Variants in GRIP1 observed in about 807,000 individuals in gnomAD.
The protein encoded by GRIP1 is glutamate receptor-interacting protein 1.
A neutral mutation model predicts 129.9 loss-of-function variants in GRIP1; 45 were observed. That is an observed-to-expected ratio of 0.35 (90% CI 0.27 to 0.44). GRIP1 has a LOEUF of 0.44. Ranked by LOEUF, GRIP1 falls within the 20% of genes least tolerant of loss-of-function variation. The pLI is 1.00. For synonymous variants in GRIP1, 530 were observed against 520.8 expected, an observed-to-expected ratio of 1.02 and a Z score of -0.24; for missense variants, 1,196 against 1,396.8, an observed-to-expected ratio of 0.86 and a Z score of 2.29.
chr12:66,747,166 A>G (rs1480697422), intron 1 of GRIP1, among the ~76,000 whole-genome samples: 1 of 152,200 alleles, frequency 6.6e-6, no homozygotes, highest in Non-Finnish European at 1.5e-5. Flanking sequence ...AAATGAACAT[A>G]TTAAACACTC....
At chr12:66,377,337 T>TC in intron 20 of GRIP1, 52 bp from the exon 21 acceptor site, 2 of 1,237,998 alleles carry the variant, frequency 1.6e-6, no homozygotes, top group Non-Finnish European at 2.4e-6. Context: ...CATTTTTTTT[T>TC]TTTTTTTTGA....
chr12:66,783,304 G>T (rs951104772), intron 1 of GRIP1, among the ~76,000 whole-genome samples: 1 of 152,170 alleles, frequency 6.6e-6, no homozygotes, highest in Non-Finnish European at 1.5e-5. Context: ...AAAGTGTTTG[G>T]ATTACAGGCG....
At position 67,056,673 on chromosome 12, in the gene GRIP1, A is replaced by G. The variant is rs1164681439; in HGVS notation, c.58+12377T>C. Among the ~76,000 whole-genome samples, 5 of 152,336 alleles carry G rather than the reference A, an allele frequency of 3.3e-5. No homozygotes were observed. The East Asian group carries it at 5.8e-4, about 18-fold the overall frequency. On this transcript the variant is annotated intron_variant, in intron 1 of 1. Transcript: ENST00000643019. Reference sequence around the variant, plus strand: ...ACTCTCCCCCAAAATTTTGAAAGCCATATTTTAAAACCAGCCCATCATCAT... The same window carrying G: ...ACTCTCCCCCAAAATTTTGAAAGCCGTATTTTAAAACCAGCCCATCATCAT...
intron 1 of GRIP1, among the ~76,000 whole-genome samples, chr12:66,728,584 T>C (rs1054145465): frequency 6.6e-6 from 1 of 152,088 alleles, no homozygotes; most frequent in Non-Finnish European, 1.5e-5. Flanking sequence ...AGAACTTAGG[T>C]TCACAGGTAC....
intron 1 of GRIP1, among the ~76,000 whole-genome samples, chr12:66,834,969 T>G (rs1400829713): frequency 6.6e-6 from 1 of 150,684 alleles, no homozygotes; most frequent in Admixed American, 6.6e-5. Context: ...AGGAAAGAAT[T>G]GATAAGCTAC....
chr12:66,727,254 T>C (rs1055160810), intron 1 of GRIP1, among the ~76,000 whole-genome samples: 5 of 152,182 alleles, frequency 3.3e-5, no homozygotes, highest in African/African-American at 1.2e-4. Flanking sequence ...TCTGTACCCA[T>C]ACCATGTAAC....
In GRIP1 at chr12:67,049,478, G is replaced by A. The variant is rs116384903; in HGVS notation, c.58+19572C>T. Among the ~76,000 whole-genome samples, 1,247 of 152,172 alleles carry A rather than the reference G, an allele frequency of 8.2e-3. 11 individuals are homozygous for A. The highest frequency in any genetic ancestry group is 0.022 in the African/African-American group (897 of 41,514). ...ACACAGGAACAGAAAACCAAACACCGCGTGTTCCCACTCACAAGTGGGAGT... is the reference window on the plus strand; with the variant it reads ...ACACAGGAACAGAAAACCAAACACCACGTGTTCCCACTCACAAGTGGGAGT... On this transcript the variant is annotated intron_variant, in intron 1 of 1. Transcript: ENST00000643019.
chr12:66,706,325 A>C (rs1464083927), intron 1 of GRIP1, among the ~76,000 whole-genome samples: 1 of 152,072 alleles, frequency 6.6e-6, no homozygotes, highest in African/African-American at 2.4e-5. Flanking sequence ...CATCAGAGAA[A>C]GGCAAATCAA....
intron 4 of GRIP1, among the ~76,000 whole-genome samples, chr12:66,538,442 C>T (rs4523772): frequency 0.39 from 58,903 of 151,054 alleles, 11,562 homozygotes; most frequent in South Asian, 0.5. Context: ...GTGATCCTCC[C>T]GCCTCAGCCT....
At chr12:66,429,722 T>A (rs2058090458) in intron 14 of GRIP1, among the ~76,000 whole-genome samples, 1 of 151,978 alleles carries the variant, frequency 6.6e-6, no homozygotes, top group East Asian at 1.9e-4. Flanking sequence ...ATAAATAATA[T>A]AATATTTCAA....
intron 2 of GRIP1, among the ~76,000 whole-genome samples, chr12:66,589,309 G>A (rs1400956784): frequency 6.7e-6 from 1 of 148,882 alleles, no homozygotes; most frequent in African/African-American, 2.5e-5. Flanking sequence ...TATTCCCTAA[G>A]CTTTGGCGTA....
intron 5 of GRIP1, among the ~76,000 whole-genome samples, chr12:66,523,857 A>C (rs2061117767): frequency 6.6e-6 from 1 of 152,212 alleles, no homozygotes; most frequent in Non-Finnish European, 1.5e-5. Context: ...ACAGAAAACA[A>C]AAAAAGGCAG....
At chr12:66,535,376 A>AT (rs1413861741) in intron 4 of GRIP1, among the ~76,000 whole-genome samples, 3 of 152,178 alleles carry the variant, frequency 2.0e-5, no homozygotes, top group African/African-American at 7.2e-5. Context: ...AAAAAAACAC[A>AT]GTACTTTCAG....
chr12:66,933,166 T>G (rs1199638114), intron 1 of GRIP1, among the ~76,000 whole-genome samples: 4 of 152,194 alleles, frequency 2.6e-5, no homozygotes, highest in African/African-American at 9.6e-5. Context: ...TAATGTAACT[T>G]CTTTCTTGAA....
At chr12:66,963,306 C>T (rs1330154496) in intron 1 of GRIP1, among the ~76,000 whole-genome samples, 1 of 151,886 alleles carries the variant, frequency 6.6e-6, no homozygotes, top group Non-Finnish European at 1.5e-5. Context: ...GAGTGAGACG[C>T]TGTCTCAAAA....
At chr12:66,708,954 T>C (rs1304812084) in intron 1 of GRIP1, among the ~76,000 whole-genome samples, 1 of 151,868 alleles carries the variant, frequency 6.6e-6, no homozygotes, top group Non-Finnish European at 1.5e-5. Context: ...CTATCAGATA[T>C]ATTCTCTCTG....
intron 1 of GRIP1, among the ~76,000 whole-genome samples, chr12:66,838,239 G>C (rs1329333926): frequency 6.6e-6 from 1 of 150,842 alleles, no homozygotes; most frequent in East Asian, 1.9e-4. Flanking sequence ...TAAAGGCAAT[G>C]AGTTTATTCT....
Position 66,834,936 on chromosome 12 carries a change from A to AAG in GRIP1, c.58+234113_58+234114insCT, listed in dbSNP as rs1555243843. Among the ~76,000 whole-genome samples the AAG allele has an allele frequency of 2.7e-3, 272 of 99,278 alleles. 4 individuals carry two copies. The highest frequency in any genetic ancestry group is 6.3e-3 in the African/African-American group (176 of 27,818). The allele number at this position is 99,278 out of a possible 152,430, so 65.1% of individuals were successfully genotyped here. ...CAAGACTCGTCTCTTTAAAAAAAAA[A>AAG]GGGGGGGGGGCAGGAGTAGGGGAGG... On this transcript the variant is annotated intron_variant, in intron 1 of 1. Transcript: ENST00000643019.
chr12:66,511,549 G>A (rs559540512), intron 7 of GRIP1, among the ~76,000 whole-genome samples: 1 of 152,198 alleles, frequency 6.6e-6, no homozygotes, highest in East Asian at 1.9e-4. Context: ...ATATGTTCTT[G>A]CCTTCCATAC....
Sources: gnomAD v4.1 joint callset for allele counts (sites outside exome capture counted in the v4.1 genomes callset) on GRCh38, gnomAD v4.1.1 for gene constraint, MANE v1.5 for transcripts, NCBI Gene and HGNC (gene_info 2026-07-23, HGNC 2026-07-21) for gene names.